SPECC1: variants seen among roughly 807,000 people sequenced by gnomAD.
SPECC1 encodes cytospin-B.
SPECC1 carries 62 observed loss-of-function variants against 104.1 expected under a neutral mutation model. The observed-to-expected ratio is 0.60, with a 90% CI of 0.49 to 0.74. The LOEUF is 0.74. Among genes scored for constraint, SPECC1 ranks in the 30% least tolerant of loss-of-function variants. SPECC1 has a pLI of 0.00. For synonymous variants in SPECC1, 513 were observed against 501.6 expected (o/e 1.02, Z -0.30); for missense variants, 1,306 against 1,310.5 (o/e 1.00, Z 0.05).
chr17:20,232,227 C>T lies in SPECC1; in HGVS notation c.2173C>T (p.Gln725Ter). ...KEETEEWRRF[Q>*]ADLQTAVVVA... ...GGAGACCGAGGAATGGAGGCGGTTC[C>T]AGGCGGATCTGCAGACCGCAGTGGT... The change falls in exon 7 of 15, where the codon CAG (glutamine) becomes TAG (stop). Residue 725 changes from glutamine to a stop codon, truncating the protein, a stop_gained. Transcript: ENST00000395527. LOFTEE classifies it high-confidence loss of function. The T allele has an allele frequency of 6.2e-7, 1 of 1,614,114 alleles. No individual in the cohort carries two copies. The highest frequency in any genetic ancestry group is 8.5e-7 in the Non-Finnish European group (1 of 1,180,028).
intron 3 of SPECC1, among the ~76,000 whole-genome samples, chr17:20,151,667 C>T (rs1189232189): frequency 6.6e-6 from 1 of 152,206 alleles, no homozygotes; most frequent in Non-Finnish European, 1.5e-5. Context: ...GAAATTTTAT[C>T]CTGTTCATAT....
At chr17:20,254,241 A>AGTCCCCATCCATCACATTTGCGTGGC (rs1337254675) in intron 10 of SPECC1, among the ~76,000 whole-genome samples, 6 of 151,262 alleles carry the variant, frequency 4.0e-5, no homozygotes, top group African/African-American at 1.5e-4. Context: ...CAGTCCCAGC[A>AGTCCCCATCCATCACATTTGCGTGGC]GTCCCCATCC....
At chr17:20,037,974 A>T (rs548414783) in intron 1 of SPECC1, among the ~76,000 whole-genome samples, 1 of 152,116 alleles carries the variant, frequency 6.6e-6, no homozygotes, top group African/African-American at 2.4e-5. Context: ...TATCTATTTC[A>T]TATTGGGTGA....
chr17:20,306,436 C>A, intron 14 of SPECC1, among the ~76,000 whole-genome samples: 1 of 151,984 alleles, frequency 6.6e-6, no homozygotes, highest in East Asian at 1.9e-4. Flanking sequence ...ACCCAGATGC[C>A]AGAAATGTAA....
chr17:20,050,548 A>G (rs962597049), intron 1 of SPECC1, among the ~76,000 whole-genome samples: 15 of 152,232 alleles, frequency 9.9e-5, no homozygotes, highest in Non-Finnish European at 1.9e-4. Flanking sequence ...CTTCACAGTA[A>G]GATGTTGTAG....
intron 3 of SPECC1, among the ~76,000 whole-genome samples, chr17:20,199,841 G>A (rs980588683): frequency 9.9e-5 from 15 of 152,048 alleles, no homozygotes; most frequent in Non-Finnish European, 1.9e-4. Context: ...CCAGGCTGGC[G>A]TGCAGTGGCG....
At chr17:20,150,832 T>G (rs372885746) in intron 3 of SPECC1, among the ~76,000 whole-genome samples, 1 of 152,180 alleles carries the variant, frequency 6.6e-6, no homozygotes, top group African/African-American at 2.4e-5. Context: ...CTTTCCTAAT[T>G]CTATATTTCA....
chr17:20,257,707 T>G lies in SPECC1; in HGVS notation c.2837+100T>G, dbSNP rs2039884724. ...CCCGTGGCCAATTTACTTCTACAAATATTTCCTGCATGAAAATGACTAAGA... is the reference window on the plus strand; with the variant it reads ...CCCGTGGCCAATTTACTTCTACAAAGATTTCCTGCATGAAAATGACTAAGA... On this transcript the variant is annotated intron_variant, in intron 11 of 14. Coordinates refer to ENST00000395527, the MANE Select transcript of SPECC1 (RefSeq NM_001243439.2). 5 of 1,442,378 alleles carry G rather than the reference T, an allele frequency of 3.5e-6. No individual in the cohort carries two copies. The South Asian group carries it at 6.2e-5, about 18-fold the overall frequency. 89.3% of individuals were successfully genotyped at this position (1,442,378 alleles called of 1,614,324 possible).
chr17:20,248,318 G>T (rs1273681422), intron 9 of SPECC1, among the ~76,000 whole-genome samples: 2 of 152,122 alleles, frequency 1.3e-5, no homozygotes, highest in African/African-American at 4.8e-5. Context: ...AGTTTGCCAA[G>T]TACACCCTTT....
intron 1 of SPECC1, among the ~76,000 whole-genome samples, chr17:20,029,180 ATTTCT>A (rs2044712950): frequency 6.7e-6 from 1 of 150,156 alleles, no homozygotes; most frequent in Non-Finnish European, 1.5e-5. Flanking sequence ...TAAACCTTTA[ATTTCT>A]TTTAACAGTG....
At chr17:20,233,499 A>G (rs1482653248) in intron 7 of SPECC1, among the ~76,000 whole-genome samples, 3 of 152,230 alleles carry the variant, frequency 2.0e-5, no homozygotes, top group African/African-American at 7.2e-5. Context: ...CTAGCTCCAC[A>G]ATTCACTGTT....
At chr17:20,202,721 A>T (rs1555626789) in intron 3 of SPECC1, among the ~76,000 whole-genome samples, 1 of 152,176 alleles carries the variant, frequency 6.6e-6, no homozygotes, top group Non-Finnish European at 1.5e-5. Flanking sequence ...GGTCAACAAT[A>T]GGCTATTAGT....
At chr17:20,256,112 C>A (rs1362106792) in intron 10 of SPECC1, among the ~76,000 whole-genome samples, 1 of 151,536 alleles carries the variant, frequency 6.6e-6, no homozygotes, top group Non-Finnish European at 1.5e-5. Flanking sequence ...CTCCTGACCT[C>A]GTAATCCACC....
At chr17:20,235,892 T>C (rs1285931822) in intron 7 of SPECC1, among the ~76,000 whole-genome samples, 2 of 152,226 alleles carry the variant, frequency 1.3e-5, no homozygotes, top group African/African-American at 4.8e-5. Context: ...GTGAGCAGTG[T>C]GGCAGCGCAG....
intron 3 of SPECC1, among the ~76,000 whole-genome samples, chr17:20,134,002 A>T (rs999642364): frequency 6.6e-6 from 1 of 152,086 alleles, no homozygotes; most frequent in Non-Finnish European, 1.5e-5. Context: ...GGGTTACAAG[A>T]TTATATATTC....
intron 3 of SPECC1, among the ~76,000 whole-genome samples, chr17:20,127,040 T>A (rs993804705): frequency 2.6e-5 from 4 of 152,386 alleles, no homozygotes; most frequent in Non-Finnish European, 4.4e-5. Flanking sequence ...TCATTCATGC[T>A]CTGATTTTTC....
intron 3 of SPECC1, among the ~76,000 whole-genome samples, chr17:20,181,574 A>G (rs546998688): frequency 1.3e-5 from 2 of 152,306 alleles, no homozygotes; most frequent in Admixed American, 1.3e-4. Context: ...TATTATTGCT[A>G]GTATTTAACA....
At chr17:20,227,332 G>A in intron 4 of SPECC1, 81 bp from the exon 5 acceptor site, 1 of 1,179,958 alleles carries the variant, frequency 8.5e-7, no homozygotes, top group Non-Finnish European at 1.2e-6. Flanking sequence ...GCATCATGGT[G>A]GGGCTTGGCC....
At chr17:20,140,339 A>G (rs2030621084) in intron 3 of SPECC1, among the ~76,000 whole-genome samples, 1 of 152,164 alleles carries the variant, frequency 6.6e-6, no homozygotes, top group Non-Finnish European at 1.5e-5. Context: ...TTTTTTAAAC[A>G]TGAGAAAGAA....
Sources: allele counts gnomAD v4.1 joint callset (sites outside exome capture counted in the v4.1 genomes callset), GRCh38; gene constraint gnomAD v4.1.1; transcripts MANE v1.5; gene names NCBI Gene and HGNC (gene_info 2026-07-23, HGNC 2026-07-21).